The following DPP10 variants were observed in gnomAD, a reference collection of about 807,000 sequenced individuals.
DPP10 encodes inactive dipeptidyl peptidase 10.
A neutral mutation model predicts 120.9 loss-of-function variants in DPP10; 33 were observed. The ratio of observed to expected loss-of-function variants is 0.27; its 90% CI spans 0.21 to 0.37. The LOEUF (loss-of-function observed/expected upper bound fraction) is 0.37, where lower values mean the gene tolerates loss of function less well. Among genes scored for constraint, DPP10 ranks in the 10% least tolerant of loss-of-function variants. The pLI, the probability that DPP10 is intolerant of heterozygous loss-of-function variation, is 1.00. For missense variants in DPP10, 816 were observed against 942.8 expected (o/e 0.87, Z 1.76); for synonymous variants, 337 against 326.1 (o/e 1.03, Z -0.36).
At chr2:114,970,953 C>G (rs1175424374) in intron 1 of DPP10, among the ~76,000 whole-genome samples, 1 of 152,138 alleles carries the variant, frequency 6.6e-6, no homozygotes, top group Non-Finnish European at 1.5e-5. Flanking sequence ...GGAGCAGCAA[C>G]AAGAAGGCTC....
intron 5 of DPP10, among the ~76,000 whole-genome samples, chr2:115,560,239 CT>C (rs560263384): frequency 0.011 from 1,670 of 148,696 alleles, 33 homozygotes; most frequent in African/African-American, 0.039. Flanking sequence ...GGTGTGGTGG[CT>C]GGTGCCTGTA....
intron 5 of DPP10, among the ~76,000 whole-genome samples, chr2:115,664,398 T>C (rs185512334): frequency 6.6e-6 from 1 of 152,216 alleles, no homozygotes; most frequent in Admixed American, 6.5e-5. Context: ...AGTATGGATA[T>C]GGGTTAAGGT....
At chr2:114,890,623 A>G (rs191051928) in intron 1 of DPP10, among the ~76,000 whole-genome samples, 48 of 152,338 alleles carry the variant, frequency 3.2e-4, no homozygotes, top group African/African-American at 1.1e-3. Context: ...TGCAGCCAAC[A>G]TTTGGATAGT....
At chr2:115,444,982 G>A (rs2072435985) in intron 3 of DPP10, among the ~76,000 whole-genome samples, 2 of 152,158 alleles carry the variant, frequency 1.3e-5, no homozygotes, top group African/African-American at 4.8e-5. Context: ...GAGGCACCTA[G>A]TGGGAGGTGA....
chr2:114,671,484 A>G (rs1698335433), intron 1 of DPP10, among the ~76,000 whole-genome samples: 1 of 152,134 alleles, frequency 6.6e-6, no homozygotes, highest in East Asian at 1.9e-4. Context: ...ACTATGCTTC[A>G]TGTACAACCT....
chr2:114,624,309 A>G (rs1198566517), intron 1 of DPP10, among the ~76,000 whole-genome samples: 1 of 152,000 alleles, frequency 6.6e-6, no homozygotes. Context: ...TCAGGAAGTG[A>G]TGAACAGGCT....
At chr2:114,929,369 T>G (rs2104486982) in intron 1 of DPP10, among the ~76,000 whole-genome samples, 1 of 152,276 alleles carries the variant, frequency 6.6e-6, no homozygotes, top group African/African-American at 2.4e-5. Flanking sequence ...AATTTCCTAA[T>G]CCTAGCAAGC....
chr2:115,576,553 T>C (rs2081668656), intron 5 of DPP10, among the ~76,000 whole-genome samples: 1 of 152,174 alleles, frequency 6.6e-6, no homozygotes, highest in Non-Finnish European at 1.5e-5. Context: ...GGGACTCCAG[T>C]TGAATTTGTC....
At chr2:115,130,080 C>G (rs897764179) in intron 1 of DPP10, among the ~76,000 whole-genome samples, 2 of 152,112 alleles carry the variant, frequency 1.3e-5, no homozygotes, top group Non-Finnish European at 2.9e-5. Flanking sequence ...TAATCAAAAC[C>G]CTCCTATCCA....
rs534249753 is a variant in DPP10 at position 115,080,371 on chromosome 2, T to C, written c.61-228868T>C. ...AAGTGAAGGATGTAACTTTTTTTTG[T>C]TTGGTTATTTCTTCCTTGTAAGCTT... is the stretch of plus-strand genomic sequence containing the variant. On this transcript the variant is annotated intron_variant, in intron 1 of 25. Transcript: ENST00000410059. Among the ~76,000 whole-genome samples the C allele has an allele frequency of 1.2e-4, 18 of 152,286 alleles. No homozygotes were observed. The East Asian group carries it at 3.5e-3, about 29-fold the overall frequency.
chr2:115,409,742 C>G (rs192606971), intron 3 of DPP10, among the ~76,000 whole-genome samples: 2 of 152,278 alleles, frequency 1.3e-5, no homozygotes, highest in East Asian at 3.9e-4. Context: ...TTTGCAATTG[C>G]AAAAATGTGG....
chr2:115,798,080 C>T (rs1684747446), intron 19 of DPP10, among the ~76,000 whole-genome samples: 1 of 151,842 alleles, frequency 6.6e-6, no homozygotes, highest in Non-Finnish European at 1.5e-5. Flanking sequence ...AATATGGTTT[C>T]ATATGAATGA....
At chr2:114,563,064 C>T (rs991724672) in intron 1 of DPP10, among the ~76,000 whole-genome samples, 7 of 152,126 alleles carry the variant, frequency 4.6e-5, no homozygotes, top group Non-Finnish European at 8.8e-5. Context: ...CAAATTTCAA[C>T]GTTTGCATAT....
chr2:115,109,029 G>A (rs1285641164), intron 1 of DPP10, among the ~76,000 whole-genome samples: 2 of 96,770 alleles, frequency 2.1e-5, no homozygotes, highest in Non-Finnish European at 4.4e-5. Flanking sequence ...AAAGATGTTT[G>A]ATGTTAACAT....
intron 3 of DPP10, among the ~76,000 whole-genome samples, chr2:115,412,852 G>T (rs1213323993): frequency 6.6e-6 from 1 of 152,174 alleles, no homozygotes; most frequent in Non-Finnish European, 1.5e-5. Flanking sequence ...ACACATAATA[G>T]ATGGGTGCTT....
chr2:114,663,668 T>TATATATATATATATAGAGAGAG, intron 1 of DPP10, among the ~76,000 whole-genome samples: 6 of 80,714 alleles, frequency 7.4e-5, no homozygotes, highest in African/African-American at 4.7e-4. Flanking sequence ...TATATATATA[T>TATATATATATATATAGAGAGAG]AGAGAGAGAG....
intron 2 of DPP10, among the ~76,000 whole-genome samples, chr2:115,338,658 T>C (rs933258523): frequency 6.6e-6 from 1 of 152,130 alleles, no homozygotes; most frequent in Admixed American, 6.6e-5. Flanking sequence ...GCTAATGAAA[T>C]AATTCAATAG....
chr2:114,997,464 C>T (rs1388400049), intron 1 of DPP10, among the ~76,000 whole-genome samples: 1 of 148,634 alleles, frequency 6.7e-6, no homozygotes, highest in African/African-American at 2.5e-5. Flanking sequence ...TGCACTCCAA[C>T]TTGAGTACAG....
chr2:115,366,170 GATGCCT>G (rs1003401976), intron 3 of DPP10, among the ~76,000 whole-genome samples: 32 of 151,748 alleles, frequency 2.1e-4, no homozygotes, highest in Middle Eastern at 3.4e-3. Context: ...CTTCCCAAAG[GATGCCT>G]ATAATGCTCT....
Sources: allele counts gnomAD v4.1 joint callset (sites outside exome capture counted in the v4.1 genomes callset), GRCh38; gene constraint gnomAD v4.1.1; transcripts MANE v1.5; gene names NCBI Gene and HGNC (gene_info 2026-07-23, HGNC 2026-07-21).